The following GSDMC variants were observed in gnomAD, a reference collection of about 807,000 sequenced individuals.
The protein encoded by GSDMC is gasdermin-C.
In GSDMC, 59 loss-of-function variants were observed where a neutral mutation model predicts 58.0. The ratio of observed to expected loss-of-function variants is 1.02; its 90% CI spans 0.82 to 1.26. The LOEUF is 1.26. Ranked by LOEUF, GSDMC falls within the 50% of genes most tolerant of loss-of-function variation. The pLI is 0.00. For synonymous variants in GSDMC, 241 were observed against 220.2 expected, an observed-to-expected ratio of 1.09 and a Z score of -0.83; for missense variants, 659 against 598.5, an observed-to-expected ratio of 1.10 and a Z score of -1.06.
intron 2 of GSDMC, among the ~76,000 whole-genome samples, chr8:129,776,672 G>A (rs1485334220): frequency 6.6e-6 from 1 of 152,160 alleles, no homozygotes; most frequent in East Asian, 1.9e-4. Flanking sequence ...GAGCCAGACA[G>A]ACCTGGGTTT....
At chr8:129,774,731 A>G (rs144852267) in intron 3 of GSDMC, among the ~76,000 whole-genome samples, 1,624 of 152,268 alleles carry the variant, frequency 0.011, 24 homozygotes, top group African/African-American at 0.038. Flanking sequence ...AATCAAAAAC[A>G]AAAACAAAAA....
chr8:129,778,721 G>T (rs2034320567), intron 1 of GSDMC, among the ~76,000 whole-genome samples: 1 of 151,172 alleles, frequency 6.6e-6, no homozygotes, highest in Admixed American at 6.6e-5. Flanking sequence ...TCTGACAAAG[G>T]TCTAATATCC....
chr8:129,748,136 A>G (rs966619785), downstream of GSDMC: 1 of 158,776 alleles, frequency 6.3e-6, no homozygotes, highest in Admixed American at 6.5e-5. Context: ...TTGCATTTCA[A>G]TGTAAGTTAC....
At chr8:129,780,745 AATATT>A (rs1278661265) in intron 1 of GSDMC, among the ~76,000 whole-genome samples, 1 of 152,216 alleles carries the variant, frequency 6.6e-6, no homozygotes. Flanking sequence ...AAAAACACAG[AATATT>A]ATAACACTGT....
chr8:129,746,013 T>C (rs78738626), downstream of GSDMC, among the ~76,000 whole-genome samples: 11,211 of 151,920 alleles, frequency 0.074, 705 homozygotes, highest in East Asian at 0.25. Context: ...TCATTTACCC[T>C]ATTGTCTTTG....
At chr8:129,744,080 G>A (rs1035175630), downstream of GSDMC, among the ~76,000 whole-genome samples, 5 of 150,980 alleles carry the variant, frequency 3.3e-5, no homozygotes, top group African/African-American at 1.2e-4. Flanking sequence ...CCCTAAAAAT[G>A]TTAGTTCCTT....
intron 6 of GSDMC, among the ~76,000 whole-genome samples, chr8:129,759,643 C>G (rs1048633085): frequency 1.3e-5 from 2 of 152,090 alleles, no homozygotes; most frequent in African/African-American, 4.8e-5. Flanking sequence ...CTGAGAAATG[C>G]AAATCAAAAC....
intron 1 of GSDMC, among the ~76,000 whole-genome samples, chr8:129,781,749 CAAA>C (rs60219315): frequency 7.8e-6 from 1 of 128,956 alleles, no homozygotes; most frequent in African/African-American, 2.8e-5. Context: ...GACTCCATCT[CAAA>C]AAAAAAAAAA....
At chr8:129,740,342 G>T in the GSDMC span, among the ~76,000 whole-genome samples, 10 of 152,236 alleles carry the variant, frequency 6.6e-5, no homozygotes, top group African/African-American at 2.4e-4. Flanking sequence ...TTCACTCACC[G>T]CTCACTCACT....
chr8:129,745,845 G>A (rs1234285122), downstream of GSDMC, among the ~76,000 whole-genome samples: 1 of 81,970 alleles, frequency 1.2e-5, no homozygotes, highest in Non-Finnish European at 2.0e-5. Context: ...GTGAAAGAGA[G>A]GCCGGGGCAA....
At chr8:129,784,481 G>T (rs548923932) in intron 1 of GSDMC, among the ~76,000 whole-genome samples, 40 of 152,116 alleles carry the variant, frequency 2.6e-4, no homozygotes, top group South Asian at 1.2e-3. Flanking sequence ...TGAAAAAAAG[G>T]CATATGAAAA....
At chr8:129,732,129 T>G in the GSDMC span, among the ~76,000 whole-genome samples, 3 of 152,172 alleles carry the variant, frequency 2.0e-5, no homozygotes, top group Admixed American at 6.5e-5. Flanking sequence ...GGACTGGGAT[T>G]AAGGCCCTTA....
At chr8:129,781,896 T>A (rs889057291) in intron 1 of GSDMC, among the ~76,000 whole-genome samples, 1 of 152,180 alleles carries the variant, frequency 6.6e-6, no homozygotes, top group Admixed American at 6.5e-5. Flanking sequence ...GAACATTTTA[T>A]CCAATGGATG....
chr8:129,767,253 C>T (rs2033893575), intron 3 of GSDMC, among the ~76,000 whole-genome samples: 1 of 152,076 alleles, frequency 6.6e-6, no homozygotes, highest in African/African-American at 2.4e-5. Context: ...TCCACAACAA[C>T]TCTGCCCAGC....
chr8:129,728,153 C>T, the GSDMC span, among the ~76,000 whole-genome samples: 2 of 152,176 alleles, frequency 1.3e-5, no homozygotes, highest in Non-Finnish European at 2.9e-5. Context: ...TTCAGAGCAC[C>T]GGCTTGCCCA....
At chr8:129,732,860 G>C in the GSDMC span, among the ~76,000 whole-genome samples, 38 of 152,320 alleles carry the variant, frequency 2.5e-4, no homozygotes, top group African/African-American at 8.4e-4. Context: ...GTGGGTCATT[G>C]CCTCATCCAG....
chr8:129,768,238 G>T (rs1450202999), intron 3 of GSDMC, among the ~76,000 whole-genome samples: 2 of 152,186 alleles, frequency 1.3e-5, no homozygotes, highest in Admixed American at 1.3e-4. Context: ...ACTGGTGAAG[G>T]TCTATCTCTA....
rs147290282 is a variant in GSDMC at position 129,774,099 on chromosome 8, C to T, written c.404+2003G>A. ...ATGGAAAGACCCAGAATAGCTAAAG[C>T]AATCTCAAGAAAGAACAAAGCTAGA... On this transcript the variant is annotated intron_variant, in intron 3 of 13. Transcript: ENST00000276708. 3.5e-4 allele frequency among the ~76,000 whole-genome samples: 54 copies of T among 152,198 alleles called. No homozygotes were observed. In the South Asian group the frequency reaches 7.2e-3, roughly 20 times the overall value.
At chr8:129,768,606 G>A (rs1482284297) in intron 3 of GSDMC, among the ~76,000 whole-genome samples, 2 of 152,112 alleles carry the variant, frequency 1.3e-5, no homozygotes, top group Non-Finnish European at 2.9e-5. Context: ...ATTCAATCAA[G>A]CAAAAGGAAG....
Sources: gnomAD v4.1 joint callset for allele counts (sites outside exome capture counted in the v4.1 genomes callset) on GRCh38, gnomAD v4.1.1 for gene constraint, MANE v1.5 for transcripts, NCBI Gene and HGNC (gene_info 2026-07-23, HGNC 2026-07-21) for gene names.